The following PRR11 variants were observed in gnomAD, a reference collection of about 807,000 sequenced individuals.
PRR11 encodes proline rich 11.
A neutral mutation model predicts 45.6 loss-of-function variants in PRR11; 30 were observed. That is an observed-to-expected ratio of 0.66 (90% CI 0.49 to 0.89). The LOEUF (loss-of-function observed/expected upper bound fraction) is 0.89, where lower values mean the gene tolerates loss of function less well. PRR11 is among the 40% of genes least tolerant of loss of function. The pLI is 0.00. For synonymous variants in PRR11, 128 were observed against 153.5 expected (o/e 0.83, Z 1.23); for missense variants, 373 against 424.8 (o/e 0.88, Z 1.07).
At chr17:59,155,960 G>A (rs1244313114) in intron 1 of PRR11, among the ~76,000 whole-genome samples, 155 bp downstream of exon 1, 1 of 152,074 alleles carries the variant, frequency 6.6e-6, no homozygotes, top group Non-Finnish European at 1.5e-5. Context: ...TGGGGCTGGG[G>A]AAGAAGTGCT....
chr17:59,206,501 G>C lies in PRR11; in HGVS notation c.*4870G>C, dbSNP rs992930979. 2.6e-4 allele frequency among the ~76,000 whole-genome samples: 39 copies of C among 151,978 alleles called. No homozygotes were observed. Among genetic ancestry groups the C allele is most frequent in the Non-Finnish European group, 5.1e-4 (35 of 67,972 alleles). ...CCAGTGTTAAAATGTGTTCTACCTT[G>C]CATCTTTTACTGATTTTTATGACAG... On this transcript the variant is annotated 3_prime_UTR_variant, in exon 10 of 10. Transcript: ENST00000262293.
intron 1 of PRR11, among the ~76,000 whole-genome samples, chr17:59,163,294 G>C (rs2046662964): frequency 6.6e-6 from 1 of 151,982 alleles, no homozygotes; most frequent in Non-Finnish European, 1.5e-5. Context: ...TGTTGGCCAG[G>C]CTGGTCTCAA....
At position 59,203,868 on chromosome 17, in the gene PRR11, C is replaced by T. The variant is rs570185043; in HGVS notation, c.*2237C>T. Reference sequence around the variant, plus strand: ...AAAAAAAAAATTAAATGGGTAGTGACGTTAAGAGATATATATCAGCTTCTA... The same window carrying T: ...AAAAAAAAAATTAAATGGGTAGTGATGTTAAGAGATATATATCAGCTTCTA... On this transcript the variant is annotated 3_prime_UTR_variant, in exon 10 of 10. Transcript: ENST00000262293. The T allele has an allele frequency of 2.7e-5, 4 of 147,412 alleles. No individual in the cohort carries two copies. Among genetic ancestry groups the T allele is most frequent in the South Asian group, 4.3e-4 (2 of 4,674 alleles). The allele number at this position is 147,412 out of a possible 1,614,324, so 9.1% of individuals were successfully genotyped here.
At chr17:59,178,335 A>G (rs866733436) in intron 2 of PRR11, 3 of 396,262 alleles carry the variant, frequency 7.6e-6, no homozygotes, top group South Asian at 5.9e-5. Flanking sequence ...CTGTCTCACA[A>G]AAAGAAAAGA....
At chr17:59,193,301 G>A (rs998050398) in intron 4 of PRR11, among the ~76,000 whole-genome samples, 191 bp from the exon 5 acceptor site, 1 of 152,078 alleles carries the variant, frequency 6.6e-6, no homozygotes, top group Non-Finnish European at 1.5e-5. Flanking sequence ...ATAGTGCCTG[G>A]CATATAGCAC....
At position 59,205,963 on chromosome 17, in the gene PRR11, A is replaced by G. The variant is rs2046916390; in HGVS notation, c.*4332A>G. Among the ~76,000 whole-genome samples, 1 of 152,052 alleles carries G rather than the reference A, an allele frequency of 6.6e-6. No individual in the cohort carries two copies. Among genetic ancestry groups the G allele is most frequent in the African/African-American group, 2.4e-5 (1 of 41,410 alleles). ...CTTCTCAGAAGACTGAGGCGTGAGA[A>G]TCACTTGAACGATGGAAGTGGAGGT... On this transcript the variant is annotated 3_prime_UTR_variant, in exon 10 of 10. Transcript: ENST00000262293.
chr17:59,163,852 G>A (rs1046971856), intron 1 of PRR11, among the ~76,000 whole-genome samples: 9 of 152,046 alleles, frequency 5.9e-5, no homozygotes, highest in Admixed American at 4.6e-4. Context: ...GGATCTCGAC[G>A]TCAGGAGTTC....
Position 59,201,848 on chromosome 17 carries a change from G to A in PRR11, c.*217G>A. 3 of 495,438 alleles carry A rather than the reference G, an allele frequency of 6.1e-6. No individual in the cohort carries two copies. The highest frequency in any genetic ancestry group is 3.6e-5 in the East Asian group (1 of 27,510). 30.7% of individuals were successfully genotyped at this position (495,438 alleles called of 1,614,324 possible). On this transcript the variant is annotated 3_prime_UTR_variant, in exon 10 of 10. Transcript: ENST00000262293. ...TAGCTGGGCATAGTGGCGGGTGCCT[G>A]TAATCCCAGCTATGCGGGAGGCTAA...
intron 2 of PRR11, among the ~76,000 whole-genome samples, chr17:59,178,317 G>C (rs1037309520): frequency 1.3e-5 from 2 of 152,016 alleles, no homozygotes; most frequent in African/African-American, 4.8e-5. Context: ...CTGGGCAACA[G>C]AGCGAGACTG....
intron 2 of PRR11, among the ~76,000 whole-genome samples, chr17:59,171,429 T>G (rs1333063947): frequency 1.3e-5 from 2 of 152,108 alleles, no homozygotes; most frequent in Non-Finnish European, 2.9e-5. Flanking sequence ...TTAAGTATCA[T>G]AGATAAAAGG....
chr17:59,174,854 C>G (rs1717045200), intron 2 of PRR11: 5 of 1,259,202 alleles, frequency 4.0e-6, no homozygotes, highest in African/African-American at 1.5e-5. Context: ...AACAAACGCC[C>G]CTTAAGAAGA....
intron 2 of PRR11, among the ~76,000 whole-genome samples, chr17:59,184,008 G>A (rs1206504994): frequency 2.6e-5 from 4 of 152,108 alleles, no homozygotes; most frequent in African/African-American, 4.8e-5. Context: ...AGACTCATGC[G>A]ACAGGAAGAT....
Position 59,206,654 on chromosome 17 carries a change from A to G in PRR11, c.*5023A>G, listed in dbSNP as rs1181855203. 6.6e-6 allele frequency among the ~76,000 whole-genome samples: 1 copy of G among 152,184 alleles called. No homozygotes were observed. Among genetic ancestry groups the G allele is most frequent in the Non-Finnish European group, 1.5e-5 (1 of 68,032 alleles). On this transcript the variant is annotated 3_prime_UTR_variant, in exon 10 of 10. Coordinates refer to ENST00000262293, the MANE Select transcript of PRR11 (RefSeq NM_018304.4). ...CAGAGAATGTAAACAACCAAGGTGC[A>G]TCTGGTTATGTTTTAAAATAAAGAT...
intron 6 of PRR11, 45 bp from the exon 7 acceptor site, chr17:59,195,286 A>T: frequency 7.0e-7 from 1 of 1,431,534 alleles, no homozygotes; most frequent in Non-Finnish European, 9.8e-7. Flanking sequence ...ATTTTGAGTG[A>T]TATTTTAAAA....
chr17:59,197,580 G>A lies in PRR11; in HGVS notation c.894G>A (p.Leu298=). Residue 298 remains leucine (L), a synonymous_variant, in exon 8 of 10, where the codon CTG becomes CTA. Transcript: ENST00000262293. ...PGKSQMDLRK[L]LRKVDVERSP... ...AAAGTCAGATGGATCTGCGGAAACT[G>A]CTTAGAAAAGTCGATGTAGAGAGGT... is the stretch of plus-strand genomic sequence containing the variant. 1 of 1,613,988 alleles carries A rather than the reference G, an allele frequency of 6.2e-7. No individual in the cohort carries two copies. Among genetic ancestry groups the A allele is most frequent in the South Asian group, 1.1e-5 (1 of 91,086 alleles).
At chr17:59,173,540 G>A (rs1412681196) in intron 2 of PRR11, among the ~76,000 whole-genome samples, 1 of 152,062 alleles carries the variant, frequency 6.6e-6, no homozygotes, top group Non-Finnish European at 1.5e-5. Flanking sequence ...TGCCTTAAGA[G>A]CTGTAACACT....
chr17:59,171,021 A>G (rs2046705295), intron 2 of PRR11, among the ~76,000 whole-genome samples: 1 of 152,196 alleles, frequency 6.6e-6, no homozygotes, highest in African/African-American at 2.4e-5. Flanking sequence ...GCACTTTGGG[A>G]GGCCGAGGCG....
rs1401473717 is a variant in PRR11 at position 59,204,631 on chromosome 17, TG to T, written c.*3002del. On this transcript the variant is annotated 3_prime_UTR_variant, in exon 10 of 10. Coordinates refer to ENST00000262293, the MANE Select transcript of PRR11 (RefSeq NM_018304.4). Reference sequence around the variant, plus strand: ...TAAAGCACGAGAATTATGTGCATCCTGGAGGTGAAGGTTGCAGTGAGCCAAG... The same window carrying T: ...TAAAGCACGAGAATTATGTGCATCCTGAGGTGAAGGTTGCAGTGAGCCAAG... 7 of 150,196 alleles carry T rather than the reference TG, an allele frequency of 4.7e-5. No homozygotes were observed. Among genetic ancestry groups the T allele is most frequent in the African/African-American group, 1.7e-4 (7 of 40,568 alleles). 9.3% of individuals were successfully genotyped at this position (150,196 alleles called of 1,614,324 possible).
intron 4 of PRR11, among the ~76,000 whole-genome samples, chr17:59,187,339 TGAG>T (rs2046819117): frequency 6.6e-6 from 1 of 152,122 alleles, no homozygotes; most frequent in African/African-American, 2.4e-5. Context: ...TTTGGAAGAC[TGAG>T]GAGGGTGGAT....
Sources: allele counts gnomAD v4.1 joint callset (sites outside exome capture counted in the v4.1 genomes callset), GRCh38; gene constraint gnomAD v4.1.1; transcripts MANE v1.5; gene names NCBI Gene and HGNC (gene_info 2026-07-23, HGNC 2026-07-21).